Variants in CSMD3 observed in about 807,000 individuals in gnomAD.
The protein encoded by CSMD3 is CUB and sushi domain-containing protein 3.
Under a neutral mutation model 435.2 loss-of-function variants are expected in CSMD3, and 177 were observed. The observed-to-expected ratio is 0.41, with a 90% CI of 0.36 to 0.46. The LOEUF is 0.46. Among genes scored for constraint, CSMD3 ranks in the 20% least tolerant of loss-of-function variants. The pLI, the probability that CSMD3 is intolerant of heterozygous loss-of-function variation, is 0.34. For synonymous variants in CSMD3, 1,656 were observed against 1,520.5 expected (o/e 1.09, Z -2.07); for missense variants, 4,265 against 4,504.6 (o/e 0.95, Z 1.52).
chr8:112,724,876 G>A (rs1382664630), intron 13 of CSMD3, among the ~76,000 whole-genome samples: 2 of 152,038 alleles, frequency 1.3e-5, no homozygotes, highest in Non-Finnish European at 2.9e-5. Context: ...GAGGAAAACT[G>A]AGCATTTAGT....
chr8:113,268,228 C>G (rs1277287407), intron 3 of CSMD3, among the ~76,000 whole-genome samples: 2 of 151,700 alleles, frequency 1.3e-5, no homozygotes, highest in Non-Finnish European at 3.0e-5. Context: ...AAGAGCACTC[C>G]CCACCCTTTG....
chr8:113,033,881 G>A (rs371839897), intron 5 of CSMD3, among the ~76,000 whole-genome samples: 3 of 151,382 alleles, frequency 2.0e-5, no homozygotes, highest in Non-Finnish European at 3.0e-5. Flanking sequence ...GGATCATGGG[G>A]GCAGTTTCCT....
At chr8:113,006,869 C>T (rs945758513) in intron 6 of CSMD3, among the ~76,000 whole-genome samples, 1 of 151,748 alleles carries the variant, frequency 6.6e-6, no homozygotes, top group Non-Finnish European at 1.5e-5. Flanking sequence ...GAGAAAGGCC[C>T]AGCTTCAATC....
At chr8:113,135,350 C>G (rs1463474911) in intron 4 of CSMD3, among the ~76,000 whole-genome samples, 1 of 151,782 alleles carries the variant, frequency 6.6e-6, no homozygotes, top group Non-Finnish European at 1.5e-5. Context: ...AATAATGTGT[C>G]AGCTCAATTG....
rs1026767430 is a variant in CSMD3 at position 112,653,839 on chromosome 8, T to C, written c.3004+2315A>G. Among the ~76,000 whole-genome samples the C allele has an allele frequency of 2.0e-5, 3 of 152,126 alleles. No individual in the cohort carries two copies. The East Asian group carries it at 5.8e-4, about 30-fold the overall frequency. On this transcript the variant is annotated intron_variant, in intron 18 of 70. Transcript: ENST00000297405. ...CATGCCTGGCTAATTTTTGTATTTT[T>C]AGTAGAGATGGGGTTTCACCATGTT... is the stretch of plus-strand genomic sequence containing the variant.
intron 3 of CSMD3, among the ~76,000 whole-genome samples, chr8:113,208,374 C>T (rs1425668299): frequency 6.6e-6 from 1 of 152,050 alleles, no homozygotes; most frequent in Non-Finnish European, 1.5e-5. Flanking sequence ...ATTTCAGTAT[C>T]CTCTTCCATA....
intron 12 of CSMD3, among the ~76,000 whole-genome samples, chr8:112,827,217 C>G (rs1336742336): frequency 1.0e-5 from 1 of 97,482 alleles, no homozygotes; most frequent in African/African-American, 3.9e-5. Context: ...AATCTTTCTA[C>G]CCACAATTGT....
At chr8:113,056,200 A>G (rs929300941) in intron 5 of CSMD3, among the ~76,000 whole-genome samples, 3 of 152,178 alleles carry the variant, frequency 2.0e-5, no homozygotes, top group Non-Finnish European at 2.9e-5. Flanking sequence ...GCTTGAACAG[A>G]GCAGAGGAAA....
chr8:112,847,073 G>T (rs1014422222), intron 11 of CSMD3, among the ~76,000 whole-genome samples: 3 of 152,044 alleles, frequency 2.0e-5, no homozygotes, highest in Non-Finnish European at 4.4e-5. Context: ...TCTGAATCAT[G>T]CTTTGTTAAG....
At chr8:112,874,840 C>T (rs987192896) in intron 10 of CSMD3, among the ~76,000 whole-genome samples, 2 of 152,100 alleles carry the variant, frequency 1.3e-5, no homozygotes, top group Non-Finnish European at 2.9e-5. Flanking sequence ...CTCCTGAATA[C>T]AGCACACCAA....
intron 23 of CSMD3, among the ~76,000 whole-genome samples, chr8:112,581,169 T>C (rs1830310359): frequency 6.6e-6 from 1 of 152,066 alleles, no homozygotes; most frequent in Admixed American, 6.6e-5. Context: ...AAGTTTTTAT[T>C]ATTATCAGAA....
intron 13 of CSMD3, among the ~76,000 whole-genome samples, chr8:112,701,194 T>C (rs2076382030): frequency 3.9e-5 from 6 of 152,074 alleles, no homozygotes; most frequent in Admixed American, 3.9e-4. Context: ...GGCAAACAAA[T>C]TGGTAGACAA....
chr8:112,956,152 C>A (rs2084010003), intron 7 of CSMD3, among the ~76,000 whole-genome samples: 1 of 151,888 alleles, frequency 6.6e-6, no homozygotes. Flanking sequence ...CAAGAATCTG[C>A]CTTTTTACCT....
At chr8:112,534,966 G>A (rs541659228) in intron 27 of CSMD3, among the ~76,000 whole-genome samples, 1 of 152,240 alleles carries the variant, frequency 6.6e-6, no homozygotes, top group African/African-American at 2.4e-5. Context: ...AAAGGCCTTT[G>A]ACAAAATTCA....
chr8:112,796,540 C>T (rs188209494), intron 13 of CSMD3, among the ~76,000 whole-genome samples: 2 of 152,102 alleles, frequency 1.3e-5, no homozygotes, highest in African/African-American at 4.8e-5. Context: ...CTCTAATGTT[C>T]CTTAAGCTAA....
At chr8:112,715,799 C>A (rs1352376709) in intron 13 of CSMD3, among the ~76,000 whole-genome samples, 2 of 152,126 alleles carry the variant, frequency 1.3e-5, no homozygotes, top group Admixed American at 6.6e-5. Context: ...TAATCCATCA[C>A]ATAAACATAA....
intron 13 of CSMD3, among the ~76,000 whole-genome samples, chr8:112,731,105 A>G (rs1238534990): frequency 6.6e-6 from 1 of 152,036 alleles, no homozygotes; most frequent in Non-Finnish European, 1.5e-5. Context: ...CATTGTTATT[A>G]TTATTGTTTT....
intron 5 of CSMD3, among the ~76,000 whole-genome samples, chr8:113,026,513 T>A (rs1025430034): frequency 3.3e-5 from 5 of 152,238 alleles, no homozygotes; most frequent in Non-Finnish European, 5.9e-5. Context: ...TTTATTACTT[T>A]ACTTAGTGAT....
chr8:112,388,628 A>G (rs1273115482), intron 36 of CSMD3, among the ~76,000 whole-genome samples: 1 of 152,220 alleles, frequency 6.6e-6, no homozygotes, highest in Non-Finnish European at 1.5e-5. Flanking sequence ...TTGACAAGCC[A>G]TCAAGAAGTT....
Sources: allele counts gnomAD v4.1 joint callset (sites outside exome capture counted in the v4.1 genomes callset), GRCh38; gene constraint gnomAD v4.1.1; transcripts MANE v1.5; gene names NCBI Gene and HGNC (gene_info 2026-07-23, HGNC 2026-07-21).